The following CORO2B variants were observed in gnomAD, a reference collection of about 807,000 sequenced individuals.
CORO2B encodes coronin 2B.
In CORO2B, 26 loss-of-function variants were observed where a neutral mutation model predicts 58.8. The ratio of observed to expected loss-of-function variants is 0.44; its 90% CI spans 0.32 to 0.61. CORO2B has a LOEUF of 0.61. CORO2B is among the 20% of genes least tolerant of loss of function. The pLI is 0.04. For synonymous variants in CORO2B, 242 were observed against 253.8 expected (o/e 0.95, Z 0.44); for missense variants, 460 against 645.1 (o/e 0.71, Z 3.11).
At chr15:68,621,411 C>G (rs1386930583) in intron 1 of CORO2B, among the ~76,000 whole-genome samples, 1 of 152,242 alleles carries the variant, frequency 6.6e-6, no homozygotes, top group African/African-American at 2.4e-5. Context: ...CTTCGCAGCG[C>G]TGGAGACATT....
intron 2 of CORO2B, among the ~76,000 whole-genome samples, chr15:68,674,280 C>T (rs1902499726): frequency 6.6e-6 from 1 of 152,166 alleles, no homozygotes; most frequent in Non-Finnish European, 1.5e-5. Flanking sequence ...CCTTTGGGGT[C>T]TGAGAGCTCC....
At chr15:68,609,319 C>T (rs1900194272) in intron 1 of CORO2B, among the ~76,000 whole-genome samples, 1 of 152,164 alleles carries the variant, frequency 6.6e-6, no homozygotes, top group East Asian at 1.9e-4. Flanking sequence ...CGTTATCTAG[C>T]AAAGGAGAAG....
the CORO2B span, among the ~76,000 whole-genome samples, chr15:68,561,660 A>G: frequency 6.6e-6 from 1 of 152,180 alleles, no homozygotes; most frequent in Non-Finnish European, 1.5e-5. Context: ...AGAGCCTGAG[A>G]GAGGGTGGGC....
chr15:68,638,595 G>A (rs1457573443), intron 1 of CORO2B, among the ~76,000 whole-genome samples: 1 of 152,180 alleles, frequency 6.6e-6, no homozygotes, highest in Admixed American at 6.5e-5. Context: ...AGCTACTGGG[G>A]AGGGGTAAGA....
chr15:68,528,164 G>A, the CORO2B span, among the ~76,000 whole-genome samples: 1 of 151,966 alleles, frequency 6.6e-6, no homozygotes, highest in African/African-American at 2.4e-5. Context: ...AGGATCTTTA[G>A]GACAATGTTG....
intron 2 of CORO2B, among the ~76,000 whole-genome samples, chr15:68,652,861 T>G (rs1322836939): frequency 3.3e-5 from 5 of 152,252 alleles, no homozygotes. Flanking sequence ...GTCATGTGCC[T>G]GCCCACCTTA....
intron 1 of CORO2B, among the ~76,000 whole-genome samples, chr15:68,639,486 G>T (rs967016141): frequency 1.3e-5 from 2 of 152,248 alleles, no homozygotes; most frequent in Non-Finnish European, 2.9e-5. Context: ...CCCAACTGGG[G>T]TAGGGGAATA....
the CORO2B span, among the ~76,000 whole-genome samples, chr15:68,535,481 G>T: frequency 0.092 from 14,065 of 152,182 alleles, 800 homozygotes; most frequent in Non-Finnish European, 0.13. Flanking sequence ...AGTATGTCAG[G>T]AACTTAGTAT....
intron 8 of CORO2B, among the ~76,000 whole-genome samples, chr15:68,715,559 C>T (rs1298074758): frequency 2.0e-5 from 3 of 152,254 alleles, no homozygotes; most frequent in African/African-American, 7.2e-5. Flanking sequence ...TGCGTCTGCA[C>T]TCCTGATCGC....
At chr15:68,712,439 C>T (rs1892941772) in intron 5 of CORO2B, among the ~76,000 whole-genome samples, 1 of 152,152 alleles carries the variant, frequency 6.6e-6, no homozygotes, top group Non-Finnish European at 1.5e-5. Flanking sequence ...TTTTTGAGCA[C>T]TGACATAACA....
intron 2 of CORO2B, among the ~76,000 whole-genome samples, chr15:68,684,284 A>AC (rs1902888604): frequency 6.6e-6 from 1 of 152,116 alleles, no homozygotes. Flanking sequence ...TACATAGATG[A>AC]CCCGCAAGGA....
At position 68,645,588 on chromosome 15, in the gene CORO2B, G is replaced by T. The variant is rs1233543710; in HGVS notation, c.216+228G>T. On this transcript the variant is annotated intron_variant, in intron 2 of 11. Transcript: ENST00000261861. This position sits in a 1 kb window ranked among gnomAD's most constrained non-coding sequence, Gnocchi z 4.5. Reference sequence around the variant, plus strand: ...ATCTCTTTCCAGAGCTTGCCTAAAGGTATGCACTTGGACAAGCCACTCCCT... The same window carrying T: ...ATCTCTTTCCAGAGCTTGCCTAAAGTTATGCACTTGGACAAGCCACTCCCT... 1.3e-5 allele frequency among the ~76,000 whole-genome samples: 2 copies of T among 152,130 alleles called. No homozygotes were observed. The highest frequency in any genetic ancestry group is 2.9e-5 in the Non-Finnish European group (2 of 68,022).
At chr15:68,604,155 G>A (rs1900050566) in intron 1 of CORO2B, among the ~76,000 whole-genome samples, 1 of 152,092 alleles carries the variant, frequency 6.6e-6, no homozygotes, top group Non-Finnish European at 1.5e-5. Context: ...GCCGCCCCTC[G>A]TCGTTCTTAT....
chr15:68,651,003 C>A (rs1257803103), intron 2 of CORO2B, among the ~76,000 whole-genome samples: 1 of 152,158 alleles, frequency 6.6e-6, no homozygotes, highest in Non-Finnish European at 1.5e-5. Context: ...CAGAGTAACA[C>A]CTGAATATGG....
intron 1 of CORO2B, among the ~76,000 whole-genome samples, chr15:68,623,482 C>T (rs999677798): frequency 3.3e-5 from 5 of 152,168 alleles, no homozygotes; most frequent in Admixed American, 3.3e-4. Flanking sequence ...ACCACCTCCT[C>T]ACCCCCACCC....
the CORO2B span, among the ~76,000 whole-genome samples, chr15:68,567,012 C>T: frequency 2.0e-5 from 3 of 152,332 alleles, no homozygotes; most frequent in Admixed American, 2.0e-4. Flanking sequence ...TCTCTGTTCT[C>T]TGGGTTCTGT....
intron 2 of CORO2B, among the ~76,000 whole-genome samples, chr15:68,665,265 G>A (rs1902157735): frequency 6.6e-6 from 1 of 151,984 alleles, no homozygotes; most frequent in African/African-American, 2.4e-5. Flanking sequence ...TTGAGATTCA[G>A]GCTTTGCTGC....
chr15:68,689,012 G>A (rs1892291916), intron 2 of CORO2B, among the ~76,000 whole-genome samples: 1 of 151,608 alleles, frequency 6.6e-6, no homozygotes, highest in Non-Finnish European at 1.5e-5. Context: ...TGGCACACAG[G>A]GTGTATTTGA....
At chr15:68,658,526 T>A (rs2140284529) in intron 2 of CORO2B, among the ~76,000 whole-genome samples, 1 of 152,334 alleles carries the variant, frequency 6.6e-6, no homozygotes, top group East Asian at 1.9e-4. Context: ...CTTGGGTGCT[T>A]AACTCTTTGC....
Sources: allele counts gnomAD v4.1 joint callset (sites outside exome capture counted in the v4.1 genomes callset), GRCh38; gene constraint gnomAD v4.1.1; non-coding constraint Gnocchi (gnomAD v3.1); transcripts MANE v1.5; gene names NCBI Gene and HGNC (gene_info 2026-07-23, HGNC 2026-07-21).